NCAM2: variants seen among roughly 807,000 people sequenced by gnomAD.
NCAM2 encodes neural cell adhesion molecule 2.
A neutral mutation model predicts 98.1 loss-of-function variants in NCAM2; 30 were observed. The observed-to-expected ratio is 0.31, with a 90% CI of 0.23 to 0.41. The LOEUF (loss-of-function observed/expected upper bound fraction) is 0.41. Ranked by LOEUF, NCAM2 falls within the 10% of genes least tolerant of loss-of-function variation. The pLI, the probability that NCAM2 is intolerant of heterozygous loss-of-function variation, is 1.00. For missense variants in NCAM2, 867 were observed against 1,005.8 expected (o/e 0.86, Z 1.87); for synonymous variants, 368 against 342.4 (o/e 1.07, Z -0.83).
intron 16 of NCAM2, among the ~76,000 whole-genome samples, chr21:21,533,224 C>T (rs1989807667): frequency 8.0e-6 from 1 of 124,296 alleles, no homozygotes; most frequent in Non-Finnish European, 1.6e-5. Context: ...TTTTAATATC[C>T]TATATCCACC....
intron 1 of NCAM2, among the ~76,000 whole-genome samples, chr21:21,005,926 C>T (rs1033808433): frequency 6.6e-6 from 1 of 152,004 alleles, no homozygotes; most frequent in Non-Finnish European, 1.5e-5. Flanking sequence ...TATTTTTGAG[C>T]ACCTCTTCTA....
At chr21:21,491,247 G>A (rs1010284960) in intron 15 of NCAM2, among the ~76,000 whole-genome samples, 2 of 151,534 alleles carry the variant, frequency 1.3e-5, no homozygotes, top group Admixed American at 6.6e-5. Flanking sequence ...TAAAAACATC[G>A]ATCTCTAGTG....
At chr21:21,316,892 G>A (rs768935285) in intron 5 of NCAM2, among the ~76,000 whole-genome samples, 13 of 152,014 alleles carry the variant, frequency 8.6e-5, no homozygotes, top group Non-Finnish European at 1.8e-4. Context: ...CCTGTATATT[G>A]GTCCTTGGAC....
Position 21,280,574 on chromosome 21 carries a change from TC to T in NCAM2, c.56-3del. 1.3e-6 allele frequency: 2 copies of T among 1,579,710 alleles called. No individual in the cohort carries two copies. Among genetic ancestry groups the T allele is most frequent in the Non-Finnish European group, 8.6e-7 (1 of 1,164,896 alleles). On this transcript the variant is annotated splice_region_variant and splice_polypyrimidine_tract_variant and intron_variant, in intron 1 of 17. Transcript: ENST00000400546. ...CCATTAATTGTTTCCCAATTTTTTT[TC>T]AGCTCTTCTTCAAGTGACAATTTCA...
chr21:21,181,616 A>G (rs1448404111), intron 1 of NCAM2, among the ~76,000 whole-genome samples: 2 of 152,108 alleles, frequency 1.3e-5, no homozygotes, highest in African/African-American at 2.4e-5. Flanking sequence ...ACCCTTTCCT[A>G]TCTTAGGGCC....
intron 1 of NCAM2, among the ~76,000 whole-genome samples, chr21:21,046,402 A>AC (rs1202498019): frequency 6.6e-6 from 1 of 152,152 alleles, no homozygotes; most frequent in Non-Finnish European, 1.5e-5. Flanking sequence ...GACCTCAATG[A>AC]CCAGTACTAA....
At position 21,335,431 on chromosome 21, in the gene NCAM2, A is replaced by G. The variant is rs570848818; in HGVS notation, c.738-74A>G. 151 of 1,312,670 alleles carry G rather than the reference A, an allele frequency of 1.2e-4. No homozygotes were observed. The East Asian group carries it at 1.8e-3, about 16-fold the overall frequency. 81.3% of individuals were successfully genotyped at this position (1,312,670 alleles called of 1,614,324 possible). ...GCCATATAGTCATCAATGCCTATAG[A>G]TTAAAAAGTTGATTAAAATCTACTA... On this transcript the variant is annotated intron_variant, in intron 6 of 17. Coordinates refer to ENST00000400546, the MANE Select transcript of NCAM2 (RefSeq NM_004540.5).
intron 6 of NCAM2, among the ~76,000 whole-genome samples, chr21:21,326,610 T>C (rs2826798): frequency 0.42 from 64,119 of 151,870 alleles, 14,806 homozygotes; most frequent in Non-Finnish European, 0.53. Flanking sequence ...TTATATTTAA[T>C]TAGAAATAGT....
intron 5 of NCAM2, among the ~76,000 whole-genome samples, chr21:21,323,018 A>G (rs2147789237): frequency 6.6e-6 from 1 of 152,292 alleles, no homozygotes; most frequent in Non-Finnish European, 1.5e-5. Context: ...TACAGAATAC[A>G]AATCCATGAA....
At chr21:21,149,929 C>A (rs1438693100) in intron 1 of NCAM2, among the ~76,000 whole-genome samples, 1 of 151,992 alleles carries the variant, frequency 6.6e-6, no homozygotes, top group Non-Finnish European at 1.5e-5. Flanking sequence ...GGGTATATAG[C>A]CCGTAATGGG....
chr21:21,054,438 A>G (rs926899172), intron 1 of NCAM2, among the ~76,000 whole-genome samples: 1 of 152,060 alleles, frequency 6.6e-6, no homozygotes, highest in African/African-American at 2.4e-5. Context: ...GATTTAGTAC[A>G]TGAAGATATA....
intron 8 of NCAM2, among the ~76,000 whole-genome samples, chr21:21,339,946 T>G (rs2074978584): frequency 6.6e-6 from 1 of 151,838 alleles, no homozygotes; most frequent in Non-Finnish European, 1.5e-5. Flanking sequence ...AAAATCAAAT[T>G]TATAAAATGT....
chr21:21,508,711 G>A (rs1988147123), intron 15 of NCAM2, 140 bp from the exon 16 acceptor site: 4 of 637,674 alleles, frequency 6.3e-6, no homozygotes, highest in Non-Finnish European at 9.6e-6. Flanking sequence ...CGGTTACTAT[G>A]ACTTTATTCT....
chr21:21,497,032 A>T (rs985704949), intron 15 of NCAM2, among the ~76,000 whole-genome samples: 5 of 151,964 alleles, frequency 3.3e-5, no homozygotes, highest in Admixed American at 2.0e-4. Flanking sequence ...ACACAGCCAT[A>T]AAAAAAATGA....
rs1487919250 is a variant in NCAM2 at position 21,194,082 on chromosome 21, A to G, written c.56-86496A>G. ...AAATATGATGACACGTACAACCTAC[A>G]TTTAATCTTATCGTTAGAAATACGT... is the stretch of plus-strand genomic sequence containing the variant. On this transcript the variant is annotated intron_variant, in intron 1 of 17. Transcript: ENST00000400546. Among the ~76,000 whole-genome samples the G allele has an allele frequency of 2.6e-5, 4 of 152,186 alleles. No homozygotes were observed. In the East Asian group the frequency reaches 5.8e-4, roughly 22 times the overall value.
At chr21:21,516,558 G>A (rs1456317088) in intron 16 of NCAM2, among the ~76,000 whole-genome samples, 6 of 151,904 alleles carry the variant, frequency 3.9e-5, no homozygotes, top group African/African-American at 1.2e-4. Context: ...ACTGTTAAAT[G>A]TTCCTGTAAT....
chr21:21,373,834 C>A, intron 8 of NCAM2, 29 bp from the exon 9 acceptor site: 1 of 1,556,712 alleles, frequency 6.4e-7, no homozygotes. Flanking sequence ...AGCATAAAAT[C>A]TTTCTTTTTC....
intron 5 of NCAM2, among the ~76,000 whole-genome samples, chr21:21,300,230 C>A (rs1165850307): frequency 6.6e-6 from 1 of 151,896 alleles, no homozygotes; most frequent in Non-Finnish European, 1.5e-5. Flanking sequence ...CAATCCCCTG[C>A]ACAAGATTTC....
chr21:21,142,551 T>TC (rs960053043), intron 1 of NCAM2, among the ~76,000 whole-genome samples: 10 of 151,340 alleles, frequency 6.6e-5, no homozygotes, highest in African/African-American at 2.4e-4. Flanking sequence ...GCTAATTTTT[T>TC]TGTATTTTTG....
Sources: gnomAD v4.1 joint callset for allele counts (sites outside exome capture counted in the v4.1 genomes callset) on GRCh38, gnomAD v4.1.1 for gene constraint, MANE v1.5 for transcripts, NCBI Gene and HGNC (gene_info 2026-07-23, HGNC 2026-07-21) for gene names.